The following GNA12 variants were observed in gnomAD, a reference collection of about 807,000 sequenced individuals.
The protein encoded by GNA12 is guanine nucleotide-binding protein subunit alpha-12.
In GNA12, 9 loss-of-function variants were observed where a neutral mutation model predicts 26.0. The ratio of observed to expected loss-of-function variants is 0.35; its 90% CI spans 0.21 to 0.60. GNA12 has a LOEUF of 0.60. GNA12 is among the 20% of genes least tolerant of loss of function. The pLI is 0.78. For synonymous variants in GNA12, 264 were observed against 219.6 expected (o/e 1.20, Z -1.79); for missense variants, 405 against 525.8 (o/e 0.77, Z 2.25).
intron 2 of GNA12, among the ~76,000 whole-genome samples, chr7:2,784,070 C>G (rs1792300870): frequency 6.6e-6 from 1 of 152,106 alleles, no homozygotes; most frequent in African/African-American, 2.4e-5. Context: ...TAACTAGAAG[C>G]TGGAAATCAT....
intron 2 of GNA12, among the ~76,000 whole-genome samples, chr7:2,790,398 G>T (rs376067948): frequency 3.9e-5 from 6 of 152,220 alleles, no homozygotes; most frequent in African/African-American, 1.2e-4. Context: ...CTACAGGCGC[G>T]CAACACCTTG....
At chr7:2,823,556 G>A (rs545843608) in intron 1 of GNA12, among the ~76,000 whole-genome samples, 20 of 152,344 alleles carry the variant, frequency 1.3e-4, no homozygotes, top group Admixed American at 4.6e-4. Context: ...TGTTCGGGAA[G>A]AGGCCAGTCG....
intron 2 of GNA12, among the ~76,000 whole-genome samples, chr7:2,792,134 C>T (rs574571635): frequency 6.6e-6 from 1 of 152,356 alleles, no homozygotes; most frequent in South Asian, 2.1e-4. Context: ...AGATTAAAAG[C>T]TCACTCGCTG....
intron 1 of GNA12, among the ~76,000 whole-genome samples, chr7:2,803,377 T>G (rs1583294746): frequency 6.6e-6 from 1 of 152,170 alleles, no homozygotes; most frequent in Non-Finnish European, 1.5e-5. Context: ...TGAGGCTGCC[T>G]GCAGGTCCCG....
intron 2 of GNA12, among the ~76,000 whole-genome samples, chr7:2,766,509 C>T (rs1791808679): frequency 6.6e-6 from 1 of 151,886 alleles, no homozygotes; most frequent in African/African-American, 2.4e-5. Context: ...CCTCAGCCTC[C>T]TGAGTAGCTA....
At chr7:2,757,003 G>A (rs1215469107) in intron 2 of GNA12, among the ~76,000 whole-genome samples, 2 of 152,146 alleles carry the variant, frequency 1.3e-5, no homozygotes, top group Non-Finnish European at 2.9e-5. Context: ...GAGCTGGGGA[G>A]TTCGAGGCTG....
At chr7:2,811,950 C>G (rs1793091560) in intron 1 of GNA12, among the ~76,000 whole-genome samples, 1 of 152,188 alleles carries the variant, frequency 6.6e-6, no homozygotes, top group South Asian at 2.1e-4. Flanking sequence ...CTGTTTTTTT[C>G]ACGCACAGAG....
chr7:2,767,436 TA>T (rs902642560), intron 2 of GNA12, among the ~76,000 whole-genome samples: 21 of 151,524 alleles, frequency 1.4e-4, no homozygotes, highest in Admixed American at 5.9e-4. Context: ...TTGTGGTACT[TA>T]AAAAAAAATA....
At chr7:2,830,738 CTCGG>C (rs1793586932) in intron 1 of GNA12, among the ~76,000 whole-genome samples, 1 of 152,178 alleles carries the variant, frequency 6.6e-6, no homozygotes, top group Non-Finnish European at 1.5e-5. Flanking sequence ...TACAGGTTTA[CTCGG>C]AGGATCAAAG....
intron 2 of GNA12, among the ~76,000 whole-genome samples, chr7:2,737,616 G>A (rs887934259): frequency 5.3e-5 from 8 of 152,106 alleles, no homozygotes; most frequent in Admixed American, 2.0e-4. Context: ...CACTTAGTGA[G>A]GTTAACTCTA....
At chr7:2,804,667 A>G (rs927944227) in intron 1 of GNA12, among the ~76,000 whole-genome samples, 4 of 152,224 alleles carry the variant, frequency 2.6e-5, no homozygotes, top group Admixed American at 2.6e-4. Flanking sequence ...GTTGGTTTTC[A>G]TTAAACATAT....
chr7:2,797,998 T>C (rs1470463344), intron 1 of GNA12, among the ~76,000 whole-genome samples: 1 of 152,150 alleles, frequency 6.6e-6, no homozygotes, highest in Non-Finnish European at 1.5e-5. Flanking sequence ...TGCTTCAACT[T>C]GATAAAGAAC....
chr7:2,730,893 G>A lies in GNA12; in HGVS notation c.*288C>T, dbSNP rs1789855347. ...GCGTCAGAAAAAGAGGAACGTTTCT[G>A]TAAAAGCAAAGCAAGCTGTGTGATT... On this transcript the variant is annotated 3_prime_UTR_variant, in exon 4 of 4. Transcript: ENST00000275364. 2.6e-6 allele frequency: 1 copy of A among 378,872 alleles called. No homozygotes were observed. Among genetic ancestry groups the A allele is most frequent in the Non-Finnish European group, 4.9e-6 (1 of 204,746 alleles). The allele number at this position is 378,872 out of a possible 1,614,324, so 23.5% of individuals were successfully genotyped here.
In GNA12 at chr7:2,783,361, G is replaced by T. The variant is rs144195896; in HGVS notation, c.525+11567C>A. On this transcript the variant is annotated intron_variant, in intron 2 of 3. Transcript: ENST00000275364. Reference sequence around the variant, plus strand: ...GTATGTGGGTGACAGGTCTCCCGGGGAGCTGGCCCATGGGTGGGATTTAGT... The same window carrying T: ...GTATGTGGGTGACAGGTCTCCCGGGTAGCTGGCCCATGGGTGGGATTTAGT... Among the ~76,000 whole-genome samples the T allele has an allele frequency of 5.3e-3, 813 of 152,236 alleles. 3 individuals are homozygous for T. Among genetic ancestry groups the T allele is most frequent in the African/African-American group, 0.019 (769 of 41,532 alleles).
intron 1 of GNA12, among the ~76,000 whole-genome samples, chr7:2,819,819 G>A (rs1378434703): frequency 1.3e-5 from 2 of 152,134 alleles, no homozygotes; most frequent in Admixed American, 1.3e-4. Context: ...AGAAACACTC[G>A]GGTAGCTCGT....
Position 2,738,036 on chromosome 7 carries a change from A to C in GNA12, c.526-4535T>G, listed in dbSNP as rs1436121900. On this transcript the variant is annotated intron_variant, in intron 2 of 3. Coordinates refer to ENST00000275364, the MANE Select transcript of GNA12 (RefSeq NM_007353.3). Reference sequence around the variant, plus strand: ...GAAAGTATTCTGGAAAAGAGATACAACACCACATTCATATACATTAGAAAA... The same window carrying C: ...GAAAGTATTCTGGAAAAGAGATACACCACCACATTCATATACATTAGAAAA... Among the ~76,000 whole-genome samples, 5 of 152,218 alleles carry C rather than the reference A, an allele frequency of 3.3e-5. No individual in the cohort carries two copies. In the East Asian group the frequency reaches 5.8e-4, roughly 18 times the overall value.
intron 1 of GNA12, among the ~76,000 whole-genome samples, chr7:2,827,576 A>G (rs1793513458): frequency 6.6e-6 from 1 of 152,170 alleles, no homozygotes; most frequent in Non-Finnish European, 1.5e-5. Context: ...GCTTCTGCAT[A>G]ACCACGCTGA....
intron 1 of GNA12, among the ~76,000 whole-genome samples, chr7:2,814,635 C>CT (rs35209860): frequency 0.01 from 1,361 of 133,694 alleles, 19 homozygotes; most frequent in African/African-American, 0.033. Flanking sequence ...CTTTTCCTGC[C>CT]TTTTTTTTTT....
chr7:2,824,397 G>A (rs956192599), intron 1 of GNA12, among the ~76,000 whole-genome samples: 3 of 152,124 alleles, frequency 2.0e-5, no homozygotes, highest in Non-Finnish European at 4.4e-5. Context: ...TGGCTCCTCT[G>A]GGTCTGCGGA....
Sources: gnomAD v4.1 joint callset for allele counts (sites outside exome capture counted in the v4.1 genomes callset) on GRCh38, gnomAD v4.1.1 for gene constraint, MANE v1.5 for transcripts, NCBI Gene and HGNC (gene_info 2026-07-23, HGNC 2026-07-21) for gene names.